The following NCS1 variants were observed in gnomAD, a reference collection of about 807,000 sequenced individuals.
The protein encoded by NCS1 is neuronal calcium sensor 1, also known as frequenin homolog.
A neutral mutation model predicts 28.4 loss-of-function variants in NCS1; 6 were observed. That is an observed-to-expected ratio of 0.21 (90% CI 0.12 to 0.42). The LOEUF is 0.42. Ranked by LOEUF, NCS1 falls within the 10% of genes least tolerant of loss-of-function variation. NCS1 has a pLI of 1.00. For synonymous variants in NCS1, 86 were observed against 99.3 expected, an observed-to-expected ratio of 0.87 and a Z score of 0.79; for missense variants, 131 against 241.4, an observed-to-expected ratio of 0.54 and a Z score of 3.03.
At chr9:130,197,958 T>TTGA (rs1370911593) in intron 1 of NCS1, among the ~76,000 whole-genome samples, 1 of 124,266 alleles carries the variant, frequency 8.0e-6, no homozygotes, top group Non-Finnish European at 1.7e-5. Flanking sequence ...GAGCAAGACT[T>TTGA]TGTCTCCAGA....
rs1240077132 is a variant in NCS1, at chr9:130,181,110, C to T, written c.64+8383C>T. On this transcript the variant is annotated intron_variant, in intron 1 of 7. Transcript: ENST00000372398. This position sits in a 1 kb window ranked among gnomAD's most constrained non-coding sequence, Gnocchi z 5.0. ...TCCCTTTCTGTACCATGTTCAAATT[C>T]CCAGATAGTGAGACCCAGTGGGGAA... is the stretch of plus-strand genomic sequence containing the variant. Among the ~76,000 whole-genome samples the T allele has an allele frequency of 6.6e-6, 1 of 152,138 alleles. No homozygotes were observed. Among genetic ancestry groups the T allele is most frequent in the African/African-American group, 2.4e-5 (1 of 41,420 alleles).
chr9:130,231,260 G>C (rs1171622321), intron 7 of NCS1, among the ~76,000 whole-genome samples: 2 of 152,192 alleles, frequency 1.3e-5, no homozygotes, highest in East Asian at 3.9e-4. Flanking sequence ...GCTGAGGCAG[G>C]AGGATTGCTT....
intron 1 of NCS1, chr9:130,200,368 G>A: frequency 5.1e-6 from 3 of 593,512 alleles, no homozygotes; most frequent in Non-Finnish European, 9.0e-6. Context: ...GCCGCTCTCT[G>A]TAGCCTCTTT....
intron 4 of NCS1, among the ~76,000 whole-genome samples, chr9:130,221,397 T>TAG (rs1833291137): frequency 7.4e-4 from 45 of 61,178 alleles, no homozygotes; most frequent in African/African-American, 9.3e-4. Flanking sequence ...TATATATATA[T>TAG]ATATATATAT....
At chr9:130,207,100 C>A (rs781891967) in intron 2 of NCS1, among the ~76,000 whole-genome samples, 1 of 152,182 alleles carries the variant, frequency 6.6e-6, no homozygotes, top group Non-Finnish European at 1.5e-5. Context: ...GACAGCAGAT[C>A]CTGAATCTGA....
At chr9:130,230,170 G>T (rs1833479688) in intron 7 of NCS1, among the ~76,000 whole-genome samples, 1 of 152,182 alleles carries the variant, frequency 6.6e-6, no homozygotes, top group Non-Finnish European at 1.5e-5. Flanking sequence ...GGGCAACATG[G>T]TGAAACCCCG....
chr9:130,190,510 G>C (rs919027596), intron 1 of NCS1, among the ~76,000 whole-genome samples: 1 of 152,176 alleles, frequency 6.6e-6, no homozygotes, highest in African/African-American at 2.4e-5. Flanking sequence ...ACATGGTAGA[G>C]CCGGGATTTG....
At position 130,215,171 on chromosome 9, in the gene NCS1, C is replaced by T. The variant is rs1343642175; in HGVS notation, c.90-2661C>T. ...TGTCTGGTGACAGTTGGGTGTGCCC[C>T]CACATGGGTCATTAAGTCCTGGTGC... On this transcript the variant is annotated intron_variant, in intron 2 of 7. Coordinates refer to ENST00000372398, the MANE Select transcript of NCS1 (RefSeq NM_014286.4). The surrounding 1 kb of genome is among the most constrained non-coding windows in gnomAD (Gnocchi z 4.2). 2.0e-5 allele frequency among the ~76,000 whole-genome samples: 3 copies of T among 152,232 alleles called. No homozygotes were observed. Among genetic ancestry groups the T allele is most frequent in the Non-Finnish European group, 4.4e-5 (3 of 68,046 alleles).
At chr9:130,223,916 G>A (rs1268179239) in intron 6 of NCS1, among the ~76,000 whole-genome samples, 3 of 151,562 alleles carry the variant, frequency 2.0e-5, no homozygotes, top group Non-Finnish European at 4.4e-5. Context: ...GCGCGATCTC[G>A]GCTCACTGCA....
chr9:130,177,625 A>G lies in NCS1; in HGVS notation c.64+4898A>G, dbSNP rs1832591641. Among the ~76,000 whole-genome samples, 1 of 152,008 alleles carries G rather than the reference A, an allele frequency of 6.6e-6. No homozygotes were observed. Among genetic ancestry groups the G allele is most frequent in the Admixed American group, 6.5e-5 (1 of 15,272 alleles). On this transcript the variant is annotated intron_variant, in intron 1 of 7. Transcript: ENST00000372398. This position sits in a 1 kb window ranked among gnomAD's most constrained non-coding sequence, Gnocchi z 4.4. ...GATGGGCATCTGGGCAAGAAACATC[A>G]CCTGTGTTATTAGGAGAGGACTCGA...
chr9:130,216,608 C>T (rs992206307), intron 2 of NCS1, among the ~76,000 whole-genome samples: 12 of 151,490 alleles, frequency 7.9e-5, no homozygotes, highest in South Asian at 2.1e-4. Flanking sequence ...CCCAGCTACT[C>T]GGGAGGCTGA....
intron 1 of NCS1, among the ~76,000 whole-genome samples, chr9:130,174,056 G>A (rs1239125718): frequency 6.6e-6 from 1 of 152,210 alleles, no homozygotes; most frequent in African/African-American, 2.4e-5. Flanking sequence ...GGGCACAGGG[G>A]CTGTTCTCAC....
chr9:130,174,868 G>C lies in NCS1; in HGVS notation c.64+2141G>C, dbSNP rs1394425537. On this transcript the variant is annotated intron_variant, in intron 1 of 7. Coordinates refer to ENST00000372398, the MANE Select transcript of NCS1 (RefSeq NM_014286.4). ...AGCCCATGATGGTGGATTCTAAATG[G>C]GAAGGGCCTGGGGTGATAGTCCTGT... Among the ~76,000 whole-genome samples the C allele has an allele frequency of 2.6e-5, 4 of 151,982 alleles. No individual in the cohort carries two copies. In the South Asian group the frequency reaches 8.3e-4, roughly 32 times the overall value.
At chr9:130,194,523 C>G (rs562055556) in intron 1 of NCS1, among the ~76,000 whole-genome samples, 1 of 152,184 alleles carries the variant, frequency 6.6e-6, no homozygotes, top group Non-Finnish European at 1.5e-5. Flanking sequence ...CCAGCCCCCC[C>G]TCTCCCAGGG....
intron 2 of NCS1, among the ~76,000 whole-genome samples, chr9:130,211,010 ATTTTTT>A (rs34425557): frequency 9.7e-5 from 9 of 92,398 alleles, no homozygotes; most frequent in Admixed American, 4.5e-4. Context: ...GGCTCCACTA[ATTTTTT>A]TTTTTTTTTT....
In NCS1 at chr9:130,215,083, A is replaced by G. The variant is rs996295215; in HGVS notation, c.90-2749A>G. On this transcript the variant is annotated intron_variant, in intron 2 of 7. Coordinates refer to ENST00000372398, the MANE Select transcript of NCS1 (RefSeq NM_014286.4). The surrounding 1 kb of genome is among the most constrained non-coding windows in gnomAD (Gnocchi z 4.2). ...CTTTTAGAATCACTCAAGTAACACA[A>G]AGTCATTGTGGATAAGTTAGAAGGT... 4.6e-5 allele frequency among the ~76,000 whole-genome samples: 7 copies of G among 152,324 alleles called. No homozygotes were observed. The highest frequency in any genetic ancestry group is 1.3e-4 in the Admixed American group (2 of 15,302).
rs1832640890 is a variant in NCS1, at chr9:130,180,583, CG to C, written c.64+7858del. Among the ~76,000 whole-genome samples, 2 of 152,228 alleles carry C rather than the reference CG, an allele frequency of 1.3e-5. No individual in the cohort carries two copies. The highest frequency in any genetic ancestry group is 3.9e-4 in the East Asian group (2 of 5,174). ...GGTCATATTCTGACCAAGGGCAGAA[CG>C]GCAGGTGCTGAGGACTTGAAGGTCA... On this transcript the variant is annotated intron_variant, in intron 1 of 7. Transcript: ENST00000372398. This position sits in a 1 kb window ranked among gnomAD's most constrained non-coding sequence, Gnocchi z 4.5.
chr9:130,177,713 C>T lies in NCS1; in HGVS notation c.64+4986C>T, dbSNP rs1278581576. Among the ~76,000 whole-genome samples the T allele has an allele frequency of 2.0e-5, 3 of 152,226 alleles. No individual in the cohort carries two copies. The highest frequency in any genetic ancestry group is 7.2e-5 in the African/African-American group (3 of 41,462). On this transcript the variant is annotated intron_variant, in intron 1 of 7. Coordinates refer to ENST00000372398, the MANE Select transcript of NCS1 (RefSeq NM_014286.4). The surrounding 1 kb of genome is among the most constrained non-coding windows in gnomAD (Gnocchi z 4.4). ...GGTGACCTTGGGGAAGTCCCTTGGCCTCTCTGAGCACCAGCTTGCTCATCC... is the reference window on the plus strand; with the variant it reads ...GGTGACCTTGGGGAAGTCCCTTGGCTTCTCTGAGCACCAGCTTGCTCATCC...
At chr9:130,220,754 T>C (rs1162381169) in intron 4 of NCS1, among the ~76,000 whole-genome samples, 10 of 132,590 alleles carry the variant, frequency 7.5e-5, no homozygotes, top group Non-Finnish European at 1.4e-4. Flanking sequence ...TCTTTCTTTC[T>C]TTTTTTTTTT....
Sources: gnomAD v4.1 joint callset for allele counts (sites outside exome capture counted in the v4.1 genomes callset) on GRCh38, gnomAD v4.1.1 for gene constraint, Gnocchi (gnomAD v3.1) non-coding constraint, MANE v1.5 for transcripts, NCBI Gene and HGNC (gene_info 2026-07-23, HGNC 2026-07-21) for gene names.